GPHN: variants seen among roughly 807,000 people sequenced by gnomAD.
GPHN encodes the protein gephyrin.
A neutral mutation model predicts 95.5 loss-of-function variants in GPHN; 17 were observed. That is an observed-to-expected ratio of 0.18 (90% CI 0.12 to 0.27). The LOEUF is 0.27. GPHN is among the 10% of genes least tolerant of loss of function. The probability of loss-of-function intolerance (pLI) is 1.00; values close to 1 mark genes in which losing one functional copy is unlikely to be tolerated. For synonymous variants in GPHN, 320 were observed against 322.5 expected (o/e 0.99, Z 0.08); for missense variants, 660 against 978.1 (o/e 0.67, Z 4.34).
chr14:67,291,234 C>T, the GPHN span, among the ~76,000 whole-genome samples: 1 of 144,954 alleles, frequency 6.9e-6, no homozygotes, highest in Non-Finnish European at 1.5e-5. Context: ...ACTACCAGTG[C>T]TTTTTTTTTT....
chr14:66,809,379 TAAA>T (rs1327843652), intron 3 of GPHN, among the ~76,000 whole-genome samples: 3 of 151,962 alleles, frequency 2.0e-5, no homozygotes, highest in Non-Finnish European at 4.4e-5. Flanking sequence ...ATAATAATAA[TAAA>T]ACCTACTATT....
chr14:67,078,838 C>T (rs894062602), intron 11 of GPHN, among the ~76,000 whole-genome samples: 3 of 151,752 alleles, frequency 2.0e-5, no homozygotes, highest in South Asian at 2.1e-4. Flanking sequence ...CCATTTTCCA[C>T]TTGATTGCCT....
the GPHN span, among the ~76,000 whole-genome samples, chr14:67,393,958 C>T: frequency 2.0e-5 from 3 of 152,134 alleles, no homozygotes; most frequent in African/African-American, 7.2e-5. Context: ...GTCTCTAGGC[C>T]AGCAGGGACA....
intron 3 of GPHN, among the ~76,000 whole-genome samples, chr14:66,813,978 T>TCC (rs1456888415): frequency 3.3e-5 from 5 of 152,092 alleles, no homozygotes; most frequent in African/African-American, 1.2e-4. Flanking sequence ...GCACGCTCCC[T>TCC]CCCCAGCCTG....
chr14:67,623,121 T>C, the GPHN span, among the ~76,000 whole-genome samples: 2 of 152,208 alleles, frequency 1.3e-5, no homozygotes, highest in African/African-American at 4.8e-5. Flanking sequence ...AGCTGACTGG[T>C]AGCTCAGTAT....
the GPHN span, among the ~76,000 whole-genome samples, chr14:67,597,760 T>TA: frequency 3.6e-3 from 211 of 58,208 alleles, no homozygotes; most frequent in Non-Finnish European, 5.3e-3. Flanking sequence ...AAGAAAAGTT[T>TA]AAAAAAAAAA....
chr14:67,049,754 G>A (rs145193927), intron 10 of GPHN, among the ~76,000 whole-genome samples: 4,648 of 152,104 alleles, frequency 0.031, 112 homozygotes, highest in Admixed American at 0.045. Flanking sequence ...CTCGTGATCC[G>A]CCCACCTCAG....
At chr14:67,422,402 T>C in the GPHN span, among the ~76,000 whole-genome samples, 1 of 152,232 alleles carries the variant, frequency 6.6e-6, no homozygotes, top group Non-Finnish European at 1.5e-5. Context: ...AGCTAGCATA[T>C]GGCCGAGGAC....
chr14:67,355,115 AT>A, the GPHN span, among the ~76,000 whole-genome samples: 6 of 152,100 alleles, frequency 3.9e-5, no homozygotes, highest in East Asian at 1.9e-4. Context: ...CCTGGCCTGC[AT>A]TTTTTATACC....
chr14:67,146,204 C>T (rs895110369), intron 18 of GPHN, among the ~76,000 whole-genome samples: 3 of 152,140 alleles, frequency 2.0e-5, no homozygotes, highest in African/African-American at 7.2e-5. Flanking sequence ...TGCTAAACAG[C>T]GAGGAAGGGG....
chr14:67,528,442 C>T, the GPHN span, among the ~76,000 whole-genome samples: 1 of 152,220 alleles, frequency 6.6e-6, no homozygotes, highest in Non-Finnish European at 1.5e-5. Flanking sequence ...CTACTTAAAG[C>T]TGGTCCCTGC....
At chr14:67,279,291 G>A in the GPHN span, 2 of 1,613,906 alleles carry the variant, frequency 1.2e-6, no homozygotes, top group South Asian at 2.2e-5. Flanking sequence ...TGACTGCCCT[G>A]GAGATTTGGG....
At chr14:67,334,362 TAACA>T in the GPHN span, 3 of 152,644 alleles carry the variant, frequency 2.0e-5, no homozygotes, top group African/African-American at 4.8e-5. Flanking sequence ...GTGTGATGTG[TAACA>T]AACAACCTCA....
At chr14:66,554,313 G>T (rs1046749736) in intron 1 of GPHN, among the ~76,000 whole-genome samples, 1 of 152,112 alleles carries the variant, frequency 6.6e-6, no homozygotes, top group Admixed American at 6.6e-5. Flanking sequence ...AGTATAAGTG[G>T]CAGTGGATTA....
At chr14:67,557,266 C>T in the GPHN span, 15 of 1,613,052 alleles carry the variant, frequency 9.3e-6, no homozygotes, top group Non-Finnish European at 1.2e-5. Context: ...TTGTACTTTT[C>T]AGGTGGGTGT....
At chr14:66,714,441 A>G (rs1223277911) in intron 2 of GPHN, among the ~76,000 whole-genome samples, 1 of 152,156 alleles carries the variant, frequency 6.6e-6, no homozygotes, top group Non-Finnish European at 1.5e-5. Flanking sequence ...ATCATCAGCA[A>G]ACAGTGACAT....
At chr14:67,679,122 T>C in the GPHN span, among the ~76,000 whole-genome samples, 2 of 152,306 alleles carry the variant, frequency 1.3e-5, no homozygotes, top group African/African-American at 4.8e-5. Context: ...TCTTGCTGTG[T>C]AATAACAAGA....
intron 4 of GPHN, among the ~76,000 whole-genome samples, chr14:66,855,330 C>T (rs2062755810): frequency 6.6e-6 from 1 of 152,122 alleles, no homozygotes; most frequent in Non-Finnish European, 1.5e-5. Context: ...TACTTTCTAT[C>T]TTTATAAATT....
chr14:67,663,030 C>T, the GPHN span: 5 of 1,412,684 alleles, frequency 3.5e-6, no homozygotes, highest in Non-Finnish European at 4.6e-6. Context: ...TCCACCTACT[C>T]GGCTTGCTGA....
Sources: gnomAD v4.1 joint callset for allele counts (sites outside exome capture counted in the v4.1 genomes callset) on GRCh38, gnomAD v4.1.1 for gene constraint, MANE v1.5 for transcripts, NCBI Gene and HGNC (gene_info 2026-07-23, HGNC 2026-07-21) for gene names.